MNAT1: variants seen among roughly 807,000 people sequenced by gnomAD.
MNAT1 encodes the protein CDK-activating kinase assembly factor MAT1.
MNAT1 carries 43 observed loss-of-function variants against 42.0 expected under a neutral mutation model. The observed-to-expected ratio is 1.02, with a 90% CI of 0.80 to 1.32. The LOEUF (loss-of-function observed/expected upper bound fraction) is 1.32, where lower values mean the gene tolerates loss of function less well. Ranked by LOEUF, MNAT1 falls within the 40% of genes most tolerant of loss-of-function variation. MNAT1 has a pLI of 0.00. For missense variants in MNAT1, 306 were observed against 350.4 expected (o/e 0.87, Z 1.01); for synonymous variants, 118 against 120.0 (o/e 0.98, Z 0.11).
At chr14:60,943,052 G>T (rs1363336626) in intron 7 of MNAT1, among the ~76,000 whole-genome samples, 7 of 8,284 alleles carry the variant, frequency 8.5e-4, no homozygotes, top group African/African-American at 1.3e-3. Flanking sequence ...GTGTGTGTGC[G>T]CTTTTTTTTT....
At chr14:60,921,823 G>A (rs2035667454) in intron 7 of MNAT1, among the ~76,000 whole-genome samples, 1 of 152,048 alleles carries the variant, frequency 6.6e-6, no homozygotes, top group African/African-American at 2.4e-5. Flanking sequence ...AAATGGGGAT[G>A]GTTTTCATTT....
chr14:60,803,059 G>A (rs986129198), intron 3 of MNAT1, among the ~76,000 whole-genome samples: 12 of 151,228 alleles, frequency 7.9e-5, no homozygotes, highest in African/African-American at 2.9e-4. Flanking sequence ...AGCCTCCCGA[G>A]TAGCTGGGAT....
chr14:60,761,346 G>T (rs571724056), intron 1 of MNAT1, among the ~76,000 whole-genome samples: 1 of 152,278 alleles, frequency 6.6e-6, no homozygotes, highest in South Asian at 2.1e-4. Flanking sequence ...ATACATTTGA[G>T]TTTTAACTAA....
rs555868509 is a variant in MNAT1, at chr14:60,911,911, G to A, written c.809+32076G>A. Among the ~76,000 whole-genome samples the A allele has an allele frequency of 2.4e-3, 359 of 152,146 alleles. 2 individuals are homozygous for A. The highest frequency in any genetic ancestry group is 7.3e-3 in the African/African-American group (301 of 41,478). On this transcript the variant is annotated intron_variant, in intron 7 of 7. Transcript: ENST00000261245. ...CTGTCTCGTTGATCTGTCTAATGTT[G>A]ACAGTGGGGTGTTAAAGTCTCCCAT...
intron 7 of MNAT1, among the ~76,000 whole-genome samples, chr14:60,937,961 G>A (rs2036040538): frequency 6.6e-6 from 1 of 152,122 alleles, no homozygotes; most frequent in South Asian, 2.1e-4. Flanking sequence ...TTGTAGGTTG[G>A]ATTCCTAGGT....
chr14:60,811,913 AG>A (rs1453329982), intron 4 of MNAT1, 73 bp from the exon 5 acceptor site: 2 of 1,067,236 alleles, frequency 1.9e-6, no homozygotes, highest in Admixed American at 5.6e-5. Flanking sequence ...CAATAAAGAA[AG>A]TATTAGAGTG....
At chr14:60,735,631 C>G (rs1254620048) in intron 1 of MNAT1, among the ~76,000 whole-genome samples, 1 of 152,170 alleles carries the variant, frequency 6.6e-6, no homozygotes, top group Non-Finnish European at 1.5e-5. Flanking sequence ...GGAAGGAAAT[C>G]GAGACTGCTC....
chr14:60,852,309 T>C (rs1203724721), intron 6 of MNAT1, among the ~76,000 whole-genome samples: 5 of 152,244 alleles, frequency 3.3e-5, no homozygotes, highest in South Asian at 2.1e-4. Context: ...TTTTAATGTT[T>C]GTTGGCTGCA....
chr14:60,744,563 T>C (rs901541984), intron 1 of MNAT1, among the ~76,000 whole-genome samples: 1 of 152,242 alleles, frequency 6.6e-6, no homozygotes, highest in African/African-American at 2.4e-5. Flanking sequence ...TTTGTATTTT[T>C]GTGAAAAGTG....
intron 7 of MNAT1, chr14:60,920,118 G>C (rs2035623082): frequency 6.6e-6 from 1 of 152,654 alleles, no homozygotes; most frequent in Non-Finnish European, 1.5e-5. Context: ...AATGGCAGTG[G>C]GGCCAGAGGC....
At chr14:60,855,705 G>T (rs2033941304) in intron 6 of MNAT1, among the ~76,000 whole-genome samples, 2 of 152,128 alleles carry the variant, frequency 1.3e-5, no homozygotes, top group Admixed American at 6.5e-5. Context: ...CCTTCCTTCT[G>T]CGTTGGTCTC....
At chr14:60,879,881 C>T (rs781497551) in intron 7 of MNAT1, 46 bp downstream of exon 7, 1 of 1,585,142 alleles carries the variant, frequency 6.3e-7, no homozygotes, top group Admixed American at 1.8e-5. Context: ...ATATGTGGGA[C>T]TTATTGCTGT....
intron 7 of MNAT1, among the ~76,000 whole-genome samples, chr14:60,898,232 A>G (rs1218585928): frequency 1.3e-5 from 2 of 151,812 alleles, no homozygotes; most frequent in African/African-American, 4.8e-5. Flanking sequence ...GTTGTGATGA[A>G]CATGTAAGTG....
chr14:60,913,906 G>A (rs1252256123), intron 7 of MNAT1, among the ~76,000 whole-genome samples: 1 of 152,220 alleles, frequency 6.6e-6, no homozygotes, highest in Non-Finnish European at 1.5e-5. Context: ...TTGTTTGTCT[G>A]TGCCCTGCCC....
intron 1 of MNAT1, among the ~76,000 whole-genome samples, chr14:60,770,293 T>TTA (rs1024434847): frequency 8.6e-5 from 13 of 152,008 alleles, no homozygotes; most frequent in Non-Finnish European, 1.5e-4. Context: ...TAATATTTCA[T>TTA]TATATATATA....
At chr14:60,763,959 G>T (rs555819997) in intron 1 of MNAT1, among the ~76,000 whole-genome samples, 1 of 152,282 alleles carries the variant, frequency 6.6e-6, no homozygotes, top group South Asian at 2.1e-4. Flanking sequence ...ATAGTCACAT[G>T]GATTTATCTT....
Position 60,918,301 on chromosome 14 carries a change from C to T in MNAT1, c.809+38466C>T, listed in dbSNP as rs369267117. The stretch of plus-strand genomic sequence containing the variant: ...TTGGCTCACTGCAAGCTCTGCCTCC[C>T]GGGTTCACGCCATTCTCCTGCCTCA... On this transcript the variant is annotated intron_variant, in intron 7 of 7. Coordinates refer to ENST00000261245, the MANE Select transcript of MNAT1 (RefSeq NM_002431.4). Among the ~76,000 whole-genome samples the T allele has an allele frequency of 5.4e-5, 8 of 147,886 alleles. No individual in the cohort carries two copies. In the East Asian group the frequency reaches 1.0e-3, roughly 19 times the overall value.
At chr14:60,761,106 G>T (rs899736248) in intron 1 of MNAT1, among the ~76,000 whole-genome samples, 5 of 151,998 alleles carry the variant, frequency 3.3e-5, no homozygotes, top group Non-Finnish European at 7.4e-5. Context: ...CTTTGTTTTT[G>T]GGCATGGATT....
intron 1 of MNAT1, among the ~76,000 whole-genome samples, chr14:60,747,494 A>G (rs2029886438): frequency 6.6e-6 from 1 of 152,156 alleles, no homozygotes; most frequent in Non-Finnish European, 1.5e-5. Context: ...ACACAATGGT[A>G]AGTTTTTGTG....
Sources: allele counts gnomAD v4.1 joint callset (sites outside exome capture counted in the v4.1 genomes callset), GRCh38; gene constraint gnomAD v4.1.1; transcripts MANE v1.5; gene names NCBI Gene and HGNC (gene_info 2026-07-23, HGNC 2026-07-21).